The following HS3ST5 variants were observed in gnomAD, a reference collection of about 807,000 sequenced individuals.
HS3ST5 encodes the protein heparan sulfate glucosamine 3-O-sulfotransferase 5.
In HS3ST5, 10 loss-of-function variants were observed where a neutral mutation model predicts 25.4. The observed-to-expected ratio is 0.39, with a 90% CI of 0.24 to 0.67. HS3ST5 has a LOEUF of 0.67. HS3ST5 is among the 30% of genes least tolerant of loss of function. The pLI is 0.44. For synonymous variants in HS3ST5, 170 were observed against 162.4 expected, an observed-to-expected ratio of 1.05 and a Z score of -0.36; for missense variants, 324 against 420.7, an observed-to-expected ratio of 0.77 and a Z score of 2.01.
chr6:114,115,526 G>A (rs1776480424), intron 3 of HS3ST5, among the ~76,000 whole-genome samples: 2 of 151,960 alleles, frequency 1.3e-5, no homozygotes, highest in Admixed American at 1.3e-4. Context: ...TATGGAAGGG[G>A]AAAGAAGCAT....
At chr6:114,238,606 G>A (rs999731417) in intron 1 of HS3ST5, among the ~76,000 whole-genome samples, 1 of 152,100 alleles carries the variant, frequency 6.6e-6, no homozygotes, top group African/African-American at 2.4e-5. Context: ...TACCCAATAT[G>A]TAATAGAAGA....
intron 1 of HS3ST5, among the ~76,000 whole-genome samples, chr6:114,279,504 C>G (rs751526428): frequency 7.9e-5 from 12 of 152,024 alleles, no homozygotes; most frequent in Non-Finnish European, 1.5e-4. Context: ...ACAAAGCTGT[C>G]CCAGATTTTT....
At chr6:114,307,620 T>A (rs1355534750) in intron 1 of HS3ST5, among the ~76,000 whole-genome samples, 1 of 152,122 alleles carries the variant, frequency 6.6e-6, no homozygotes, top group East Asian at 1.9e-4. Flanking sequence ...CTATTTTGAC[T>A]TATCTCTTTG....
At chr6:114,084,436 G>A in intron 3 of HS3ST5, 1 of 756,300 alleles carries the variant, frequency 1.3e-6, no homozygotes, top group South Asian at 1.3e-5. Flanking sequence ...AGTCTCTTCA[G>A]GATCTCTGTA....
chr6:114,225,363 A>G (rs913318629), intron 2 of HS3ST5, among the ~76,000 whole-genome samples: 7 of 151,870 alleles, frequency 4.6e-5, no homozygotes, highest in African/African-American at 7.2e-5. Context: ...AAGTCATTGC[A>G]TCTTCCCTAC....
At chr6:114,208,203 G>C (rs568884145) in intron 2 of HS3ST5, among the ~76,000 whole-genome samples, 1 of 152,232 alleles carries the variant, frequency 6.6e-6, no homozygotes, top group Non-Finnish European at 1.5e-5. Context: ...AATGTTTTGT[G>C]TGGATGTGCG....
chr6:114,179,735 C>A (rs567553078), intron 2 of HS3ST5, among the ~76,000 whole-genome samples: 1 of 141,414 alleles, frequency 7.1e-6, no homozygotes, highest in Non-Finnish European at 1.5e-5. Context: ...CACACAAACA[C>A]AAGTTCAAGT....
At chr6:114,336,624 A>ATAAT (rs1232729815) in intron 1 of HS3ST5, among the ~76,000 whole-genome samples, 2 of 152,058 alleles carry the variant, frequency 1.3e-5, no homozygotes, top group East Asian at 3.8e-4. Context: ...AATAATAATA[A>ATAAT]TAATTAATTA....
chr6:114,321,301 C>T (rs1383499101), intron 1 of HS3ST5, among the ~76,000 whole-genome samples: 1 of 152,056 alleles, frequency 6.6e-6, no homozygotes, highest in East Asian at 1.9e-4. Flanking sequence ...GTTTCATAAA[C>T]CTACCTTTAG....
At chr6:114,076,085 T>A (rs1392939138) in intron 3 of HS3ST5, among the ~76,000 whole-genome samples, 1 of 152,114 alleles carries the variant, frequency 6.6e-6, no homozygotes, top group Non-Finnish European at 1.5e-5. Context: ...GAGGACAGTA[T>A]CTCTATCAAA....
intron 1 of HS3ST5, among the ~76,000 whole-genome samples, chr6:114,304,982 C>T (rs1432055535): frequency 6.6e-6 from 1 of 151,984 alleles, no homozygotes; most frequent in East Asian, 1.9e-4. Flanking sequence ...TAATACTACA[C>T]CAAAACTTGA....
intron 1 of HS3ST5, among the ~76,000 whole-genome samples, chr6:114,244,780 G>A (rs1478440165): frequency 3.3e-5 from 5 of 152,164 alleles, no homozygotes; most frequent in African/African-American, 1.2e-4. Context: ...CCCAGGTAGA[G>A]AGAACTCAAA....
At chr6:114,163,708 G>T (rs1287027965) in intron 3 of HS3ST5, among the ~76,000 whole-genome samples, 1 of 152,074 alleles carries the variant, frequency 6.6e-6, no homozygotes, top group Non-Finnish European at 1.5e-5. Context: ...GGTCTCTAAG[G>T]CAGCTAACCC....
chr6:114,080,665 C>G (rs1025358343), intron 3 of HS3ST5, among the ~76,000 whole-genome samples: 1 of 152,208 alleles, frequency 6.6e-6, no homozygotes. Context: ...ATTATCCTAA[C>G]TGACTTAATG....
At chr6:114,080,144 T>C (rs1029996039) in intron 3 of HS3ST5, among the ~76,000 whole-genome samples, 5 of 152,234 alleles carry the variant, frequency 3.3e-5, no homozygotes, top group African/African-American at 1.2e-4. Flanking sequence ...TACTGTAGAA[T>C]GGATATTGTA....
intron 3 of HS3ST5, among the ~76,000 whole-genome samples, chr6:114,130,767 C>T (rs1010623374): frequency 6.6e-6 from 1 of 152,174 alleles, no homozygotes; most frequent in Admixed American, 6.5e-5. Flanking sequence ...GACGGGGTTT[C>T]ACCGTGTTAG....
At chr6:114,114,942 A>G (rs1776446946) in intron 3 of HS3ST5, among the ~76,000 whole-genome samples, 1 of 152,136 alleles carries the variant, frequency 6.6e-6, no homozygotes, top group South Asian at 2.1e-4. Flanking sequence ...TATTATCTTC[A>G]TAAGCTTTAT....
intron 1 of HS3ST5, among the ~76,000 whole-genome samples, chr6:114,307,790 T>C (rs529330697): frequency 2.0e-4 from 30 of 152,142 alleles, no homozygotes; most frequent in African/African-American, 7.0e-4. Flanking sequence ...TTAATATCAA[T>C]GTGAGGTGAA....
At chr6:114,225,065 A>G (rs995118035) in intron 2 of HS3ST5, among the ~76,000 whole-genome samples, 4 of 151,392 alleles carry the variant, frequency 2.6e-5, no homozygotes, top group African/African-American at 9.7e-5. Flanking sequence ...AGGTCATAAA[A>G]CCTTTGGTAC....
Sources: gnomAD v4.1 joint callset for allele counts (sites outside exome capture counted in the v4.1 genomes callset) on GRCh38, gnomAD v4.1.1 for gene constraint, MANE v1.5 for transcripts, NCBI Gene and HGNC (gene_info 2026-07-23, HGNC 2026-07-21) for gene names.